The following HTR1F variants were observed in gnomAD, a reference collection of about 807,000 sequenced individuals.
HTR1F encodes the protein 5-hydroxytryptamine receptor 1F, also known as 5-hydroxytryptamine (serotonin) receptor 1F, G protein-coupled.
Under a neutral mutation model 24.0 loss-of-function variants are expected in HTR1F, and 17 were observed. The ratio of observed to expected loss-of-function variants is 0.71; its 90% confidence interval spans 0.48 to 1.06. The LOEUF is 1.06. Ranked by LOEUF, HTR1F falls within the 50% of genes least tolerant of loss-of-function variation. The pLI, the probability that HTR1F is intolerant of heterozygous loss-of-function variation, is 0.00. For missense variants in HTR1F, 391 were observed against 427.8 expected (o/e 0.91, Z 0.76); for synonymous variants, 186 against 156.8 (o/e 1.19, Z -1.39).
At chr3:87,962,277 T>C (rs1576093940) in intron 2 of HTR1F, among the ~76,000 whole-genome samples, 1 of 152,084 alleles carries the variant, frequency 6.6e-6, no homozygotes, top group Non-Finnish European at 1.5e-5. Flanking sequence ...AAAAAGCAAA[T>C]CTTAATTAAA....
Position 87,859,491 on chromosome 3 carries a change from C to T in HTR1F, c.-43+37367C>T, listed in dbSNP as rs181437753. 1.6e-4 allele frequency among the ~76,000 whole-genome samples: 24 copies of T among 152,284 alleles called. No homozygotes were observed. The East Asian group carries it at 4.6e-3, about 29-fold the overall frequency. On this transcript the variant is annotated intron_variant, in intron 2 of 2. Transcript: ENST00000319595. ...AGCAAATTTTGTAGGAACGATCACACAATGAAAGCATATTAACAAAATTGT... is the reference window on the plus strand; with the variant it reads ...AGCAAATTTTGTAGGAACGATCACATAATGAAAGCATATTAACAAAATTGT...
In HTR1F at chr3:87,992,019, A is replaced by T. The variant is rs1576132240; in HGVS notation, c.*169A>T. The T allele has an allele frequency of 1.3e-5, 7 of 526,502 alleles. No individual in the cohort carries two copies. In the East Asian group the frequency reaches 2.3e-4, roughly 17 times the overall value. 32.6% of individuals were successfully genotyped at this position (526,502 alleles called of 1,614,324 possible). On this transcript the variant is annotated 3_prime_UTR_variant, in exon 3 of 3. Coordinates refer to ENST00000319595, the MANE Select transcript of HTR1F (RefSeq NM_001322209.2). ...AGCAATGTGAATATAAAAGTTATTG[A>T]TCACCACTATTCTAGGGTATTCAAA...
chr3:87,902,646 G>A (rs1285115413), intron 2 of HTR1F, among the ~76,000 whole-genome samples: 3 of 151,334 alleles, frequency 2.0e-5, no homozygotes, highest in Non-Finnish European at 4.4e-5. Context: ...TGTGCACAAT[G>A]TGCAGGTTAG....
chr3:87,894,740 C>T (rs1575998759), intron 2 of HTR1F, among the ~76,000 whole-genome samples: 2 of 151,954 alleles, frequency 1.3e-5, no homozygotes, highest in South Asian at 4.1e-4. Flanking sequence ...ACTTAGTCTC[C>T]TTATACCTCA....
chr3:87,810,830 A>G (rs1446614557), intron 1 of HTR1F, among the ~76,000 whole-genome samples: 1 of 152,176 alleles, frequency 6.6e-6, no homozygotes, highest in Non-Finnish European at 1.5e-5. Context: ...CACAGTTTAT[A>G]TTTCATGTGA....
intron 2 of HTR1F, among the ~76,000 whole-genome samples, chr3:87,897,880 T>C (rs1239606602): frequency 6.6e-6 from 1 of 152,142 alleles, no homozygotes; most frequent in Non-Finnish European, 1.5e-5. Flanking sequence ...TTGGGATGCA[T>C]ATAATTTTAT....
intron 2 of HTR1F, among the ~76,000 whole-genome samples, chr3:87,928,749 T>C (rs1559635792): frequency 6.6e-6 from 1 of 152,134 alleles, no homozygotes; most frequent in Non-Finnish European, 1.5e-5. Context: ...TTCTACAAGA[T>C]AACACAGAAA....
intron 2 of HTR1F, among the ~76,000 whole-genome samples, chr3:87,873,220 G>A (rs1705599072): frequency 6.6e-6 from 1 of 151,926 alleles, no homozygotes; most frequent in Admixed American, 6.6e-5. Context: ...GCAAGCTGGA[G>A]AACTAGAAAC....
intron 2 of HTR1F, among the ~76,000 whole-genome samples, chr3:87,955,721 T>G (rs1421418473): frequency 3.3e-5 from 5 of 151,646 alleles, no homozygotes; most frequent in South Asian, 2.1e-4. Flanking sequence ...TTTCATCGTT[T>G]TATCATCAGC....
chr3:87,892,431 A>G (rs150169019), intron 2 of HTR1F, among the ~76,000 whole-genome samples: 57 of 152,304 alleles, frequency 3.7e-4, no homozygotes, highest in Admixed American at 3.6e-3. Flanking sequence ...TTTGCTTTAC[A>G]ATTACCATAA....
At chr3:87,858,089 C>T (rs561513522) in intron 2 of HTR1F, among the ~76,000 whole-genome samples, 128 of 152,238 alleles carry the variant, frequency 8.4e-4, no homozygotes, top group South Asian at 1.5e-3. Context: ...ATTCTCTACC[C>T]TAGTCCCACA....
At chr3:87,865,290 A>T (rs1207419646) in intron 2 of HTR1F, among the ~76,000 whole-genome samples, 1 of 152,126 alleles carries the variant, frequency 6.6e-6, no homozygotes, top group African/African-American at 2.4e-5. Flanking sequence ...TTGCTATCAG[A>T]TATTTTTAGG....
chr3:87,910,010 C>G (rs1318806919), intron 2 of HTR1F, among the ~76,000 whole-genome samples: 1 of 151,972 alleles, frequency 6.6e-6, no homozygotes, highest in African/African-American at 2.4e-5. Flanking sequence ...TACCATACTT[C>G]CTGCCAAAAT....
Position 87,981,469 on chromosome 3 carries a change from A to G in HTR1F, c.-42-9239A>G, listed in dbSNP as rs961710180. On this transcript the variant is annotated intron_variant, in intron 2 of 2. Transcript: ENST00000319595. ...CTCAGCCTCCCAAAGTGCTAGGATT[A>G]CAGGTGTGAGCCACCATGCCTGGCC... 9.2e-5 allele frequency among the ~76,000 whole-genome samples: 14 copies of G among 152,218 alleles called. 1 individual carries two copies. Among genetic ancestry groups the G allele is most frequent in the East Asian group, 5.8e-4 (3 of 5,190 alleles).
At chr3:87,890,792 C>G (rs1477414703) in intron 2 of HTR1F, among the ~76,000 whole-genome samples, 1 of 151,434 alleles carries the variant, frequency 6.6e-6, no homozygotes, top group Admixed American at 6.6e-5. Context: ...GATGCTAGGA[C>G]TAAAGTTCCA....
At chr3:87,932,426 C>A (rs1704301536) in intron 2 of HTR1F, among the ~76,000 whole-genome samples, 1 of 152,052 alleles carries the variant, frequency 6.6e-6, no homozygotes, top group Non-Finnish European at 1.5e-5. Flanking sequence ...GTACCAGTAC[C>A]ATGCTGTTTG....
chr3:87,891,449 A>G (rs555694706), intron 2 of HTR1F, among the ~76,000 whole-genome samples: 4 of 152,188 alleles, frequency 2.6e-5, no homozygotes, highest in Non-Finnish European at 5.9e-5. Context: ...ACAAATTTTA[A>G]CACCTAAATC....
chr3:87,907,750 A>T lies in HTR1F; in HGVS notation c.-42-82958A>T, dbSNP rs544556228. ...ACTGGAGGCAATAGAGTAAAACAAA[A>T]TCATAATACTAGAATTAAATATAGG... On this transcript the variant is annotated intron_variant, in intron 2 of 2. Transcript: ENST00000319595. 5.2e-4 allele frequency among the ~76,000 whole-genome samples: 79 copies of T among 152,156 alleles called. 1 individual carries two copies. Among genetic ancestry groups the T allele is most frequent in the African/African-American group, 1.8e-3 (73 of 41,562 alleles).
At chr3:87,861,092 G>C (rs897547935) in intron 2 of HTR1F, among the ~76,000 whole-genome samples, 1 of 152,186 alleles carries the variant, frequency 6.6e-6, no homozygotes, top group African/African-American at 2.4e-5. Context: ...GAGAAGCAGA[G>C]TTTGCTGTGA....
Sources: gnomAD v4.1 joint callset for allele counts (sites outside exome capture counted in the v4.1 genomes callset) on GRCh38, gnomAD v4.1.1 for gene constraint, MANE v1.5 for transcripts, NCBI Gene and HGNC (gene_info 2026-07-23, HGNC 2026-07-21) for gene names.